Variants in ENOX1 observed in about 807,000 individuals in gnomAD.
ENOX1 encodes ecto-NOX disulfide-thiol exchanger 1.
A neutral mutation model predicts 82.5 loss-of-function variants in ENOX1; 42 were observed. The ratio of observed to expected loss-of-function variants is 0.51; its 90% CI spans 0.40 to 0.66. ENOX1 has a LOEUF of 0.66. ENOX1 is among the 30% of genes least tolerant of loss of function. The pLI is 0.00. For missense variants in ENOX1, 608 were observed against 811.6 expected (o/e 0.75, Z 3.05); for synonymous variants, 271 against 282.2 (o/e 0.96, Z 0.40).
At chr13:43,551,342 TA>T (rs1301494980) in intron 2 of ENOX1, among the ~76,000 whole-genome samples, 1 of 152,164 alleles carries the variant, frequency 6.6e-6, no homozygotes, top group African/African-American at 2.4e-5. Context: ...TTGTATATGT[TA>T]AATGATCCCT....
chr13:43,576,450 C>T (rs1249619733), intron 2 of ENOX1, among the ~76,000 whole-genome samples: 1 of 152,146 alleles, frequency 6.6e-6, no homozygotes, highest in African/African-American at 2.4e-5. Flanking sequence ...TCTCTTTCTC[C>T]TCAGACCTGT....
At chr13:43,431,337 C>T (rs188876524) in intron 3 of ENOX1, among the ~76,000 whole-genome samples, 38 of 152,294 alleles carry the variant, frequency 2.5e-4, no homozygotes, top group African/African-American at 8.9e-4. Context: ...CTTAGTGACT[C>T]TGCACTTGTG....
In ENOX1 at chr13:43,356,068, A is replaced by C; in HGVS notation, c.674T>G (p.Phe225Cys). 3.7e-6 allele frequency: 6 copies of C among 1,614,018 alleles called. No homozygotes were observed. The highest frequency in any genetic ancestry group is 5.1e-6 in the Non-Finnish European group (6 of 1,179,998). ...HVDFAQARDD[F>C]YEWECKQRMR... ...CCTCTGCTTGCATTCCCACTCATAG[A>C]AGTCATCCCTGGCCTGGGCAAAGTC... Residue 225 changes from phenylalanine (F) to cysteine (C), a missense_variant, in exon 8 of 17, where the codon TTC (phenylalanine) becomes TGC (cysteine). Physicochemically the swap from Phe to Cys is radical, Grantham distance 205. Coordinates refer to ENST00000690772, the MANE Select transcript of ENOX1 (RefSeq NM_001347969.2).
At chr13:43,603,308 T>C (rs1331475676) in intron 2 of ENOX1, among the ~76,000 whole-genome samples, 1 of 151,954 alleles carries the variant, frequency 6.6e-6, no homozygotes, top group Non-Finnish European at 1.5e-5. Flanking sequence ...CTCCTAAGAG[T>C]TTAATAATAA....
intron 3 of ENOX1, among the ~76,000 whole-genome samples, chr13:43,468,466 T>A (rs1566299439): frequency 6.6e-6 from 1 of 151,690 alleles, no homozygotes; most frequent in Non-Finnish European, 1.5e-5. Context: ...CAGGTGTGGG[T>A]CACCATGGCT....
chr13:43,376,634 T>A (rs1419093274), intron 5 of ENOX1, among the ~76,000 whole-genome samples: 1 of 152,210 alleles, frequency 6.6e-6, no homozygotes, highest in Non-Finnish European at 1.5e-5. Context: ...GTTATATGAC[T>A]GACACAGTCA....
At chr13:43,267,927 G>A (rs1419653961) in intron 13 of ENOX1, among the ~76,000 whole-genome samples, 1 of 152,126 alleles carries the variant, frequency 6.6e-6, no homozygotes, top group Admixed American at 6.5e-5. Context: ...GATTTTAGCT[G>A]TTTCGAATCT....
intron 9 of ENOX1, among the ~76,000 whole-genome samples, chr13:43,331,050 TCAGAACAGAATATC>T (rs2048383746): frequency 1.3e-5 from 2 of 152,130 alleles, no homozygotes; most frequent in African/African-American, 4.8e-5. Context: ...GAGGGAAAGC[TCAGAACAGAATATC>T]CATTTATCCA....
chr13:43,245,106 C>G (rs1408985241), intron 14 of ENOX1, among the ~76,000 whole-genome samples: 1 of 152,160 alleles, frequency 6.6e-6, no homozygotes, highest in African/African-American at 2.4e-5. Flanking sequence ...CCTTTATGGG[C>G]ACATAGCAGG....
In ENOX1 at chr13:43,723,951, G is replaced by A. The variant is rs150129194; in HGVS notation, c.-284-56407C>T. ...GTTATTCTGGGATATCTGATCAGCC[G>A]TACAACACCTTATCTCTTCACATCA... On this transcript the variant is annotated intron_variant, in intron 1 of 16. Transcript: ENST00000690772. Among the ~76,000 whole-genome samples, 271 of 152,210 alleles carry A rather than the reference G, an allele frequency of 1.8e-3. 1 individual carries two copies. The highest frequency in any genetic ancestry group is 6.2e-3 in the African/African-American group (259 of 41,530).
intron 8 of ENOX1, among the ~76,000 whole-genome samples, chr13:43,345,763 T>C (rs898525719): frequency 1.3e-5 from 2 of 152,084 alleles, no homozygotes; most frequent in African/African-American, 2.4e-5. Context: ...CCCTAGAAAA[T>C]GTGCTTTAGG....
intron 1 of ENOX1, among the ~76,000 whole-genome samples, chr13:43,763,601 C>T (rs1951110317): frequency 6.6e-6 from 1 of 152,154 alleles, no homozygotes; most frequent in African/African-American, 2.4e-5. Context: ...CACTACAACC[C>T]CAACCTCAGT....
intron 1 of ENOX1, among the ~76,000 whole-genome samples, chr13:43,696,459 C>T (rs2086644543): frequency 6.6e-6 from 1 of 152,120 alleles, no homozygotes; most frequent in South Asian, 2.1e-4. Context: ...TTTGGGGGCT[C>T]AGCTGGGAAA....
chr13:43,298,732 C>T (rs1230776329), intron 11 of ENOX1, among the ~76,000 whole-genome samples: 1 of 152,168 alleles, frequency 6.6e-6, no homozygotes, highest in Admixed American at 6.5e-5. Flanking sequence ...TCTGTTTGTC[C>T]TGTCTTACAT....
intron 1 of ENOX1, among the ~76,000 whole-genome samples, chr13:43,697,745 G>A (rs1566788325): frequency 6.6e-6 from 1 of 152,200 alleles, no homozygotes; most frequent in Non-Finnish European, 1.5e-5. Flanking sequence ...GGCTTTGCTG[G>A]AAGGATACAG....
chr13:43,396,535 A>G (rs1215264809), intron 5 of ENOX1, among the ~76,000 whole-genome samples: 1 of 152,016 alleles, frequency 6.6e-6, no homozygotes, highest in African/African-American at 2.4e-5. Flanking sequence ...ACGCACCACC[A>G]TGCCTGGCTA....
chr13:43,500,609 G>A (rs1280758745), intron 2 of ENOX1, among the ~76,000 whole-genome samples: 1 of 151,820 alleles, frequency 6.6e-6, no homozygotes, highest in Non-Finnish European at 1.5e-5. Context: ...TGTTACAAAA[G>A]GATACTAAAC....
chr13:43,426,492 T>A (rs1460564818), intron 3 of ENOX1, among the ~76,000 whole-genome samples: 3 of 152,208 alleles, frequency 2.0e-5, no homozygotes, highest in African/African-American at 7.2e-5. Context: ...TTACTTTTTT[T>A]TCGTTTCTAG....
chr13:43,354,227 G>A (rs762310855), intron 8 of ENOX1, among the ~76,000 whole-genome samples: 1 of 152,194 alleles, frequency 6.6e-6, no homozygotes, highest in Non-Finnish European at 1.5e-5. Context: ...TAGGCTGGAG[G>A]GAAAAGTGAG....
Sources: allele counts gnomAD v4.1 joint callset (sites outside exome capture counted in the v4.1 genomes callset), GRCh38; gene constraint gnomAD v4.1.1; transcripts MANE v1.5; gene names NCBI Gene and HGNC (gene_info 2026-07-23, HGNC 2026-07-21).